The following USP9X variants were observed in gnomAD, a reference collection of about 807,000 sequenced individuals.
USP9X encodes ubiquitin specific peptidase 9 X-linked.
Under a neutral mutation model 190.3 loss-of-function variants are expected in USP9X, and 7 were observed. That is an observed-to-expected ratio of 0.04 (90% CI 0.02 to 0.07). The LOEUF is 0.07. Ranked by LOEUF, USP9X falls within the 10% of genes least tolerant of loss-of-function variation. The pLI is 1.00. For synonymous variants in USP9X, 645 were observed against 659.5 expected (o/e 0.98, Z 0.34); for missense variants, 1,010 against 1,916.9 (o/e 0.53, Z 8.83).
Position 41,149,011 on chromosome X carries a change from A to G in USP9X, c.1626+436A>G, listed in dbSNP as rs763712660. Among the ~76,000 whole-genome samples, 6 of 112,043 alleles carry G rather than the reference A, an allele frequency of 5.4e-5. No homozygotes were observed. The South Asian group carries it at 2.2e-3, about 42-fold the overall frequency. On this transcript the variant is annotated intron_variant, in intron 12 of 44. Transcript: ENST00000378308. ...AAATCACACAGTTTCCCTACATTCT[A>G]ATTTGTGGCATGTGTATTTTTTAAC...
chrX:41,225,412 GTAAA>G (rs2063303946), intron 41 of USP9X, among the ~76,000 whole-genome samples: 1 of 111,699 alleles, frequency 9.0e-6, no homozygotes, highest in Non-Finnish European at 1.9e-5. Context: ...TGGGCATTTG[GTAAA>G]TATTTGAATT....
chrX:41,133,050 A>T (rs1009712956), intron 4 of USP9X, among the ~76,000 whole-genome samples: 1 of 112,082 alleles, frequency 8.9e-6, no homozygotes, highest in Non-Finnish European at 1.9e-5. Flanking sequence ...ATAGCTATGG[A>T]TGTGTTATAA....
Position 41,198,639 on chromosome X carries a change from A to G in USP9X, c.4492A>G (p.Ile1498Val), listed in dbSNP as rs780044110. 3.3e-6 allele frequency: 4 copies of G among 1,211,911 alleles called. No individual in the cohort carries two copies. The highest frequency in any genetic ancestry group is 3.5e-5 in the South Asian group (2 of 57,025). Residue 1498 changes from isoleucine (I) to valine (V), a missense_variant, in exon 30 of 45, where the codon ATT becomes GTT. Physicochemically the swap from Ile to Val is conservative, Grantham distance 29. Coordinates refer to ENST00000378308, the MANE Select transcript of USP9X (RefSeq NM_001039591.3). ...AIPVCGSPPT[I>V]NAGFELLVAL... The stretch of plus-strand genomic sequence containing the variant: ...TCCGGTCTGTGGTTCACCACCTACA[A>G]TTAATGCTGGTTTTGAATTACTTGT...
At chrX:41,136,674 A>T in intron 5 of USP9X, 130 bp from the exon 6 acceptor site, 5 of 491,593 alleles carry the variant, frequency 1.0e-5, no homozygotes, top group Non-Finnish European at 1.7e-5. Flanking sequence ...AATCAGTTTG[A>T]TCCCAATATT....
intron 21 of USP9X, among the ~76,000 whole-genome samples, 178 bp from the exon 22 acceptor site, chrX:41,183,816 TTTTG>T (rs773857173): frequency 3.6e-4 from 38 of 105,190 alleles, no homozygotes; most frequent in Non-Finnish European, 4.7e-4. Flanking sequence ...TTGTTTTTGT[TTTTG>T]TTTATTTTTT....
At chrX:41,089,232 A>G (rs1434956929) in intron 1 of USP9X, among the ~76,000 whole-genome samples, 1 of 112,363 alleles carries the variant, frequency 8.9e-6, no homozygotes, top group Non-Finnish European at 1.9e-5. Flanking sequence ...AGCACTGTTA[A>G]GCATTTTCCA....
intron 31 of USP9X, among the ~76,000 whole-genome samples, chrX:41,202,410 C>T (rs967510591): frequency 1.8e-5 from 2 of 112,313 alleles, no homozygotes; most frequent in South Asian, 7.3e-4. Context: ...CATGTTTGTG[C>T]TTACCATGTA....
At chrX:41,125,609 T>G (rs2062231761) in intron 2 of USP9X, among the ~76,000 whole-genome samples, 1 of 97,989 alleles carries the variant, frequency 1.0e-5, no homozygotes, top group Non-Finnish European at 2.1e-5. Flanking sequence ...ACAACTCTCT[T>G]GGCTTTACTC....
rs111419360 is a variant in USP9X at position 41,170,750 on chromosome X, C to A, written c.3027+131C>A. Reference sequence around the variant, plus strand: ...TAATGAGACAAAAAAATACAGTTAACCACCAACTTCAGAATGGATCCCTCT... The same window carrying A: ...TAATGAGACAAAAAAATACAGTTAAACACCAACTTCAGAATGGATCCCTCT... On this transcript the variant is annotated intron_variant, in intron 20 of 44. Transcript: ENST00000378308. 35 of 615,653 alleles carry A rather than the reference C, an allele frequency of 5.7e-5. No individual in the cohort carries two copies. In the African/African-American group the frequency reaches 6.2e-4, roughly 11 times the overall value. 50.7% of individuals were successfully genotyped at this position (615,653 alleles called of 1,213,427 possible). A position where few individuals can be genotyped will look rare whatever the true frequency, so the allele number is the denominator to read the frequency against.
At chrX:41,196,169 C>G in intron 26 of USP9X, 82 bp from the exon 27 acceptor site, 1 of 1,094,775 alleles carries the variant, frequency 9.1e-7, no homozygotes, top group Non-Finnish European at 1.3e-6. Flanking sequence ...CCCCCCACCT[C>G]TCCTCCCCAA....
chrX:41,172,952 C>G (rs1454195968), intron 21 of USP9X, among the ~76,000 whole-genome samples: 1 of 111,468 alleles, frequency 9.0e-6, no homozygotes, highest in East Asian at 2.8e-4. Flanking sequence ...TTATGATGTG[C>G]CTTAGCGTTA....
intron 12 of USP9X, among the ~76,000 whole-genome samples, chrX:41,149,516 C>CA (rs2062502239): frequency 9.2e-6 from 1 of 108,901 alleles, no homozygotes; most frequent in Non-Finnish European, 1.9e-5. Context: ...TTCTGCTTGC[C>CA]AAAACTGTTG....
chrX:41,185,650 A>AT lies in USP9X; in HGVS notation c.3559-854dup, dbSNP rs1324266388. On this transcript the variant is annotated intron_variant, in intron 23 of 44. Transcript: ENST00000378308. ...TATCACAGGTCCCATCTTTGTTAGG[A>AT]TTTTTTTTTTTTTAAAGTAGTTCTT... 8.9e-3 allele frequency among the ~76,000 whole-genome samples: 933 copies of AT among 104,421 alleles called. 6 individuals are homozygous for AT. Among genetic ancestry groups the AT allele is most frequent in the African/African-American group, 0.027 (791 of 29,053 alleles). The allele number at this position is 104,421 out of a possible 115,157, so 90.7% of individuals were successfully genotyped here.
At position 41,085,833 on chromosome X, in the gene USP9X, C is replaced by T; in HGVS notation, c.-435C>T. On this transcript the variant is annotated 5_prime_UTR_variant, in exon 1 of 45. Transcript: ENST00000378308. ...CGTCTGAGCTCAGCGAGAGCCCCAGCCTGAGGGGAGAAGGGGAAGAGGGCC... is the reference window on the plus strand; with the variant it reads ...CGTCTGAGCTCAGCGAGAGCCCCAGTCTGAGGGGAGAAGGGGAAGAGGGCC... 1 of 298,793 alleles carries T rather than the reference C, an allele frequency of 3.3e-6. No individual in the cohort carries two copies. Among genetic ancestry groups the T allele is most frequent in the South Asian group, 1.9e-4 (1 of 5,171 alleles). The allele number at this position is 298,793 out of a possible 1,213,427, so 24.6% of individuals were successfully genotyped here.
At chrX:41,119,796 C>T (rs2062176339) in intron 1 of USP9X, among the ~76,000 whole-genome samples, 2 of 112,520 alleles carry the variant, frequency 1.8e-5, no homozygotes, top group Non-Finnish European at 1.9e-5. Context: ...CGCCACTGCA[C>T]TCCAGCCTGG....
rs748562075 is a variant in USP9X, at chrX:41,203,627, G to A, written c.4825-1676G>A. Among the ~76,000 whole-genome samples, 6 of 112,040 alleles carry A rather than the reference G, an allele frequency of 5.4e-5. No homozygotes were observed. In the South Asian group the frequency reaches 2.2e-3, roughly 41 times the overall value. On this transcript the variant is annotated intron_variant, in intron 31 of 44. Transcript: ENST00000378308. ...TATACAAATAGCTGTTTGAGGTCCT[G>A]CTTTCAATATTTCCAGGCATATGCT...
intron 1 of USP9X, among the ~76,000 whole-genome samples, chrX:41,092,951 T>C (rs1388739329): frequency 9.0e-6 from 1 of 111,041 alleles, no homozygotes; most frequent in Admixed American, 9.6e-5. Flanking sequence ...TAGCTCATTG[T>C]AGCCTGGAAT....
At chrX:41,167,625 C>A in intron 17 of USP9X, 48 bp downstream of exon 17, 2 of 963,144 alleles carry the variant, frequency 2.1e-6, no homozygotes, top group Middle Eastern at 2.7e-4. Flanking sequence ...TCTTTCGGCC[C>A]CCATTTCTCT....
chrX:41,130,457 TTTTTTTTC>T (rs2062299453), intron 3 of USP9X, among the ~76,000 whole-genome samples: 2 of 105,452 alleles, frequency 1.9e-5, no homozygotes, highest in East Asian at 2.9e-4. Context: ...ACAAATGATT[TTTTTTTTC>T]TTTTTTTCTT....
Sources: allele counts gnomAD v4.1 joint callset (sites outside exome capture counted in the v4.1 genomes callset), GRCh38; gene constraint gnomAD v4.1.1; transcripts MANE v1.5; gene names NCBI Gene and HGNC (gene_info 2026-07-23, HGNC 2026-07-21).